PAK2: variants seen among roughly 807,000 people sequenced by gnomAD.
PAK2 encodes p21 (RAC1) activated kinase 2.
Under a neutral mutation model 65.9 loss-of-function variants are expected in PAK2, and 21 were observed. The ratio of observed to expected loss-of-function variants is 0.32; its 90% CI spans 0.23 to 0.46. The LOEUF (loss-of-function observed/expected upper bound fraction) is 0.46. Among genes scored for constraint, PAK2 ranks in the 20% least tolerant of loss-of-function variants. PAK2 has a pLI of 1.00. For missense variants in PAK2, 324 were observed against 642.6 expected, an observed-to-expected ratio of 0.50 and a Z score of 5.36; for synonymous variants, 204 against 219.7, an observed-to-expected ratio of 0.93 and a Z score of 0.63.
intron 3 of PAK2, among the ~76,000 whole-genome samples, chr3:196,802,692 A>T (rs1447373438): frequency 6.6e-6 from 1 of 151,944 alleles, no homozygotes; most frequent in East Asian, 1.9e-4. Flanking sequence ...AAAATACAAA[A>T]AATTAGCCAG....
rs200028313 is a variant in PAK2, at chr3:196,828,425, T to C, written c.*20T>C. The stretch of plus-strand genomic sequence containing the variant: ...CGTTAACATCACTGCTGTGGCCTCA[T>C]ACTCTTTTTTCCATTTTCTACAAGA... On this transcript the variant is annotated 3_prime_UTR_variant, in exon 15 of 15. Transcript: ENST00000327134. The C allele has an allele frequency of 1.5e-3, 2,063 of 1,408,848 alleles. 19 individuals carry two copies. Among genetic ancestry groups the C allele is most frequent in the Middle Eastern group, 7.7e-3 (36 of 4,680 alleles). The allele number at this position is 1,408,848 out of a possible 1,614,324, so 87.3% of individuals were successfully genotyped here.
chr3:196,773,824 A>T (rs955030289), intron 1 of PAK2, among the ~76,000 whole-genome samples: 6 of 152,114 alleles, frequency 3.9e-5, no homozygotes, highest in Non-Finnish European at 8.8e-5. Flanking sequence ...GTGAGCCAAG[A>T]TCACGCCACT....
intron 1 of PAK2, among the ~76,000 whole-genome samples, chr3:196,755,124 G>T (rs375081256): frequency 1.3e-5 from 2 of 152,168 alleles, no homozygotes; most frequent in African/African-American, 2.4e-5. Context: ...GACAGACTAC[G>T]TTGGAGATTT....
intron 1 of PAK2, among the ~76,000 whole-genome samples, chr3:196,774,260 T>G (rs1387394527): frequency 6.6e-6 from 1 of 152,240 alleles, no homozygotes; most frequent in African/African-American, 2.4e-5. Flanking sequence ...GTTAGGAAAC[T>G]TGAGTTCTAG....
chr3:196,756,413 G>T (rs1343326415), intron 1 of PAK2, among the ~76,000 whole-genome samples: 2 of 152,022 alleles, frequency 1.3e-5, no homozygotes, highest in Non-Finnish European at 2.9e-5. Flanking sequence ...TTTCCAGTGC[G>T]TTCCACTGGG....
chr3:196,761,815 G>A (rs1458079773), intron 1 of PAK2, among the ~76,000 whole-genome samples: 1 of 125,896 alleles, frequency 7.9e-6, no homozygotes, highest in African/African-American at 3.0e-5. Context: ...CGGATGGGGC[G>A]GCTGGCCGGG....
rs1317164344 is a variant in PAK2 at position 196,832,411 on chromosome 3, A to G, written c.*4006A>G. On this transcript the variant is annotated 3_prime_UTR_variant, in exon 15 of 15. Transcript: ENST00000327134. The stretch of plus-strand genomic sequence containing the variant: ...CCGTTCAATTATTTAATTGTTATAC[A>G]TTGACATTAACTGCTGTATTTTGAC... The G allele has an allele frequency of 6.6e-6, 1 of 152,122 alleles. No homozygotes were observed. Among genetic ancestry groups the G allele is most frequent in the African/African-American group, 2.4e-5 (1 of 41,420 alleles). The allele number at this position is 152,122 out of a possible 1,614,324, so 9.4% of individuals were successfully genotyped here.
intron 2 of PAK2, chr3:196,784,877 C>T (rs971879334): frequency 1.3e-5 from 2 of 151,918 alleles, no homozygotes; most frequent in East Asian, 3.9e-4. Flanking sequence ...TCCACATCCT[C>T]TCCAGCACCT....
At chr3:196,796,586 A>G (rs962745238) in intron 2 of PAK2, among the ~76,000 whole-genome samples, 4 of 152,244 alleles carry the variant, frequency 2.6e-5, no homozygotes, top group African/African-American at 9.6e-5. Flanking sequence ...ATGATAGTAT[A>G]TGAAGAGTTC....
chr3:196,769,333 A>C (rs76959929), intron 1 of PAK2, among the ~76,000 whole-genome samples: 11,747 of 151,948 alleles, frequency 0.077, 627 homozygotes, highest in Non-Finnish European at 0.12. Context: ...AATATAAATA[A>C]AAATTCAGAG....
At chr3:196,802,750 A>G (rs1370881530) in intron 3 of PAK2, among the ~76,000 whole-genome samples, 5 of 152,052 alleles carry the variant, frequency 3.3e-5, no homozygotes, top group Non-Finnish European at 5.9e-5. Context: ...AGGCTGAGGC[A>G]GGAGAATGGC....
At chr3:196,819,229 C>A (rs1376185790) in intron 12 of PAK2, among the ~76,000 whole-genome samples, 2 of 152,038 alleles carry the variant, frequency 1.3e-5, no homozygotes, top group African/African-American at 4.8e-5. Context: ...ATTGCTTGAG[C>A]CCAGGAGTTT....
chr3:196,825,414 C>T (rs368081238), intron 13 of PAK2, among the ~76,000 whole-genome samples: 94 of 151,294 alleles, frequency 6.2e-4, no homozygotes, highest in South Asian at 4.2e-4. Flanking sequence ...GAGGCCAAGG[C>T]GGGCAGATCA....
chr3:196,760,652 T>G (rs1404067851), intron 1 of PAK2, among the ~76,000 whole-genome samples: 1 of 152,182 alleles, frequency 6.6e-6, no homozygotes, highest in East Asian at 1.9e-4. Context: ...GACCGGTCTG[T>G]GAGTTTGAGC....
At chr3:196,778,106 G>A (rs1452589952) in intron 1 of PAK2, among the ~76,000 whole-genome samples, 2 of 152,032 alleles carry the variant, frequency 1.3e-5, no homozygotes, top group African/African-American at 2.4e-5. Context: ...ATTCCTCTCT[G>A]TCTCTGTGGA....
At chr3:196,762,470 G>T (rs1237418928) in intron 1 of PAK2, among the ~76,000 whole-genome samples, 2 of 150,020 alleles carry the variant, frequency 1.3e-5, no homozygotes, top group Non-Finnish European at 3.0e-5. Flanking sequence ...CGAGGCTGGC[G>T]GATCACTCGC....
chr3:196,799,769 C>T (rs1247893028), intron 2 of PAK2, among the ~76,000 whole-genome samples: 1 of 152,114 alleles, frequency 6.6e-6, no homozygotes, highest in Non-Finnish European at 1.5e-5. Context: ...ATTCTTGTGC[C>T]GCTATACTCG....
At chr3:196,746,518 T>C (rs12495028) in intron 1 of PAK2, among the ~76,000 whole-genome samples, 20,238 of 152,148 alleles carry the variant, frequency 0.13, 1,596 homozygotes, top group Admixed American at 0.18. Flanking sequence ...TAAATTTAGA[T>C]TAATAAGAAT....
intron 9 of PAK2, 118 bp downstream of exon 9, chr3:196,812,385 G>A (rs142522775): frequency 5.1e-5 from 37 of 727,090 alleles, no homozygotes; most frequent in Admixed American, 1.4e-4. Context: ...TGTAAGAATC[G>A]CTCTACGTAT....
Sources: gnomAD v4.1 joint callset for allele counts (sites outside exome capture counted in the v4.1 genomes callset) on GRCh38, gnomAD v4.1.1 for gene constraint, MANE v1.5 for transcripts, NCBI Gene and HGNC (gene_info 2026-07-23, HGNC 2026-07-21) for gene names.